Variants in ABTB3 observed in about 807,000 individuals in gnomAD.
The protein encoded by ABTB3 is ankyrin repeat- and BTB/POZ domain-containing protein 3.
the ABTB3 span, chr12:107,619,861 T>C: frequency 1.2e-6 from 1 of 841,406 alleles, no homozygotes; most frequent in Admixed American, 3.0e-5. Context: ...TCTCGTCATT[T>C]AGTAATGTCC....
At chr12:107,369,393 T>G in the ABTB3 span, among the ~76,000 whole-genome samples, 2 of 19,450 alleles carry the variant, frequency 1.0e-4, no homozygotes, top group Non-Finnish European at 2.0e-4. Flanking sequence ...CAAACAAGGG[T>G]TTTTTTTTTT....
the ABTB3 span, among the ~76,000 whole-genome samples, chr12:107,419,557 G>A: frequency 1.3e-5 from 2 of 152,214 alleles, no homozygotes; most frequent in Non-Finnish European, 2.9e-5. Context: ...CCTCCTCTGA[G>A]ACAACTGTTT....
chr12:107,656,092 A>G, the ABTB3 span, among the ~76,000 whole-genome samples: 1 of 151,504 alleles, frequency 6.6e-6, no homozygotes. Context: ...GTTTGAGACC[A>G]GCCTGAGCAA....
chr12:107,442,562 A>T, the ABTB3 span, among the ~76,000 whole-genome samples: 1 of 152,228 alleles, frequency 6.6e-6, no homozygotes, highest in South Asian at 2.1e-4. Context: ...ATGTAAGTAA[A>T]GAGGCTTGTG....
At chr12:107,580,688 T>A in the ABTB3 span, 3 of 702,408 alleles carry the variant, frequency 4.3e-6, no homozygotes, top group Admixed American at 9.6e-5. Flanking sequence ...AGGCTGCAGA[T>A]GGGAAGGGAG....
the ABTB3 span, among the ~76,000 whole-genome samples, chr12:107,591,589 C>T: frequency 1.3e-5 from 2 of 152,186 alleles, no homozygotes; most frequent in Non-Finnish European, 1.5e-5. Context: ...CAGGGAATTA[C>T]AATTCAACAT....
chr12:107,343,261 G>C, the ABTB3 span, among the ~76,000 whole-genome samples: 1 of 152,010 alleles, frequency 6.6e-6, no homozygotes, highest in Non-Finnish European at 1.5e-5. Context: ...CAATCCTCCT[G>C]TCTTGGCCTC....
At chr12:107,544,905 A>T in the ABTB3 span, among the ~76,000 whole-genome samples, 44 of 152,346 alleles carry the variant, frequency 2.9e-4, no homozygotes, top group African/African-American at 1.0e-3. Flanking sequence ...CAAAATAGGG[A>T]TACAAAGAGT....
At chr12:107,482,604 A>AGG in the ABTB3 span, among the ~76,000 whole-genome samples, 1 of 151,968 alleles carries the variant, frequency 6.6e-6, no homozygotes, top group Admixed American at 6.5e-5. Context: ...CCTTCTAGTA[A>AGG]ATATGCATGG....
chr12:107,549,502 G>T, the ABTB3 span, among the ~76,000 whole-genome samples: 1 of 152,178 alleles, frequency 6.6e-6, no homozygotes, highest in Non-Finnish European at 1.5e-5. Flanking sequence ...GTGAGTAGAG[G>T]TATCCTTGAT....
chr12:107,617,280 C>A, the ABTB3 span: 2 of 1,614,114 alleles, frequency 1.2e-6, no homozygotes, highest in South Asian at 2.2e-5. Flanking sequence ...TCTTATAAAA[C>A]CCCCTTCTCT....
At chr12:107,637,532 A>G in the ABTB3 span, among the ~76,000 whole-genome samples, 1 of 152,228 alleles carries the variant, frequency 6.6e-6, no homozygotes, top group African/African-American at 2.4e-5. Flanking sequence ...AGCATCATGT[A>G]GTTATTAACA....
chr12:107,398,438 G>A, the ABTB3 span, among the ~76,000 whole-genome samples: 2 of 152,238 alleles, frequency 1.3e-5, no homozygotes, highest in African/African-American at 2.4e-5. Flanking sequence ...TGGCAGGCCA[G>A]GTGTCTTCCA....
At chr12:107,528,748 C>A in the ABTB3 span, among the ~76,000 whole-genome samples, 2 of 152,164 alleles carry the variant, frequency 1.3e-5, no homozygotes, top group African/African-American at 4.8e-5. Context: ...GACTAGGCTG[C>A]TGCTGTTGCT....
chr12:107,626,134 T>C, the ABTB3 span, among the ~76,000 whole-genome samples: 1 of 152,146 alleles, frequency 6.6e-6, no homozygotes, highest in African/African-American at 2.4e-5. Flanking sequence ...ACAACTGTGC[T>C]GCTCCTCCAG....
the ABTB3 span, chr12:107,318,716 C>T: frequency 2.0e-6 from 1 of 511,014 alleles, no homozygotes. Context: ...TTGCGCCCAG[C>T]TCCGGCCCGG....
the ABTB3 span, among the ~76,000 whole-genome samples, chr12:107,322,494 T>C: frequency 6.6e-6 from 1 of 152,238 alleles, no homozygotes; most frequent in African/African-American, 2.4e-5. Flanking sequence ...ACGGAGTCTT[T>C]CTGATCTGCA....
chr12:107,649,295 T>C, the ABTB3 span: 3 of 1,605,000 alleles, frequency 1.9e-6, no homozygotes, highest in Non-Finnish European at 8.5e-7. Context: ...CATTGTGGTG[T>C]TGGCTATCAT....
the ABTB3 span, among the ~76,000 whole-genome samples, chr12:107,567,315 C>T: frequency 6.6e-6 from 1 of 152,236 alleles, no homozygotes; most frequent in African/African-American, 2.4e-5. Context: ...GGCCCAGTCT[C>T]CTCACTTCAC....
Sources: gnomAD v4.1 joint callset for allele counts (sites outside exome capture counted in the v4.1 genomes callset) on GRCh38, gnomAD v4.1.1 for gene constraint, MANE v1.5 for transcripts, NCBI Gene and HGNC (gene_info 2026-07-23, HGNC 2026-07-21) for gene names.